Variants in DSCAML1 observed in about 807,000 individuals in gnomAD.
DSCAML1 encodes the protein DS cell adhesion molecule like 1.
A neutral mutation model predicts 200.5 loss-of-function variants in DSCAML1; 38 were observed. The ratio of observed to expected loss-of-function variants is 0.19; its 90% confidence interval spans 0.15 to 0.25. DSCAML1 has a LOEUF of 0.25. Among genes scored for constraint, DSCAML1 ranks in the 10% least tolerant of loss-of-function variants. DSCAML1 has a pLI of 1.00. For synonymous variants in DSCAML1, 1,215 were observed against 1,165.0 expected (o/e 1.04, Z -0.87); for missense variants, 2,223 against 2,858.8 (o/e 0.78, Z 5.07).
At chr11:117,641,204 G>A (rs2137594588) in intron 3 of DSCAML1, among the ~76,000 whole-genome samples, 1 of 152,302 alleles carries the variant, frequency 6.6e-6, no homozygotes, top group East Asian at 1.9e-4. Flanking sequence ...TTGACCCCAG[G>A]GTCCTGGAGA....
chr11:117,519,169 A>G (rs572051791), intron 6 of DSCAML1, among the ~76,000 whole-genome samples: 1 of 152,328 alleles, frequency 6.6e-6, no homozygotes, highest in South Asian at 2.1e-4. Flanking sequence ...GCTTCCTCTC[A>G]ACTCTTCCTC....
At chr11:117,783,219 G>A (rs1190573639) in intron 1 of DSCAML1, among the ~76,000 whole-genome samples, 1 of 152,136 alleles carries the variant, frequency 6.6e-6, no homozygotes, top group African/African-American at 2.4e-5. Context: ...CGGGGTCCTG[G>A]GTGCCTCCTG....
intron 11 of DSCAML1, among the ~76,000 whole-genome samples, chr11:117,488,534 G>GACACAC (rs575410556): frequency 6.9e-6 from 1 of 145,640 alleles, no homozygotes; most frequent in Non-Finnish European, 1.5e-5. Flanking sequence ...GACATGCACA[G>GACACAC]ACACAGACAC....
intron 3 of DSCAML1, among the ~76,000 whole-genome samples, chr11:117,646,650 A>G (rs1328383329): frequency 6.6e-6 from 1 of 152,076 alleles, no homozygotes; most frequent in Non-Finnish European, 1.5e-5. Context: ...TCCCAATCCC[A>G]TGGTTAGTGA....
chr11:117,532,455 G>A lies in DSCAML1; in HGVS notation c.579C>T (p.Leu193=), dbSNP rs754030088. The A allele has an allele frequency of 6.2e-7, 1 of 1,614,094 alleles. No homozygotes were observed. Among genetic ancestry groups the A allele is most frequent in the East Asian group, 2.2e-5 (1 of 44,884 alleles). Residue 193 remains leucine, a synonymous_variant, in exon 4 of 33, where the codon CTC becomes CTT. Transcript: ENST00000651296. ...GCTTGGTGATGCAGCGATAGGTGGA[G>A]AGGGCGTCCTCCTTCTGTACGTCAG... The part of the protein sequence containing the change: ...YISDVQKEDA[L]STYRCITKHK...
At position 117,662,472 on chromosome 11, in the gene DSCAML1, A is replaced by G. The variant is rs553544153; in HGVS notation, c.511+114319T>C. On this transcript the variant is annotated intron_variant, in intron 3 of 32. Transcript: ENST00000651296. The stretch of plus-strand genomic sequence containing the variant: ...CCAACTGCAGACTTGGCTGTCTCAC[A>G]GAGTCGTGAGTTCACGGATGACCAC... Among the ~76,000 whole-genome samples the G allele has an allele frequency of 3.1e-4, 48 of 152,388 alleles. 1 individual carries two copies. Among genetic ancestry groups the G allele is most frequent in the African/African-American group, 1.1e-3 (47 of 41,596 alleles).
intron 3 of DSCAML1, among the ~76,000 whole-genome samples, chr11:117,681,090 T>G (rs923062451): frequency 3.9e-5 from 6 of 152,218 alleles, no homozygotes; most frequent in Non-Finnish European, 7.3e-5. Context: ...ATCCGCCAGC[T>G]GTCTGGGTCC....
chr11:117,471,241 GGCTCACAGCAA>G (rs765542436), intron 15 of DSCAML1, among the ~76,000 whole-genome samples: 47 of 151,136 alleles, frequency 3.1e-4, no homozygotes, highest in Non-Finnish European at 6.0e-4. Flanking sequence ...GTGCGATCTT[GGCTCACAGCAA>G]GCTCTGCCTC....
chr11:117,780,215 G>GAA lies in DSCAML1; in HGVS notation c.364+277_364+278insTT, dbSNP rs1565280519. 3.6e-4 allele frequency among the ~76,000 whole-genome samples: 19 copies of GAA among 52,446 alleles called. No individual in the cohort carries two copies. Among genetic ancestry groups the GAA allele is most frequent in the Non-Finnish European group, 6.8e-4 (16 of 23,552 alleles). The allele number at this position is 52,446 out of a possible 152,430, so 34.4% of individuals were successfully genotyped here. ...AGAAAGAAAGAGAAAGAAAGAGAGA[G>GAA]AGAGAAAGAAAGAAAGGAAAGAAAG... On this transcript the variant is annotated intron_variant, in intron 2 of 32. Coordinates refer to ENST00000651296, the MANE Select transcript of DSCAML1 (RefSeq NM_020693.4). This position sits in a 1 kb window ranked among gnomAD's most constrained non-coding sequence, Gnocchi z 4.8.
At chr11:117,539,362 C>T (rs2050223210) in intron 3 of DSCAML1, among the ~76,000 whole-genome samples, 1 of 152,038 alleles carries the variant, frequency 6.6e-6, no homozygotes, top group Admixed American at 6.5e-5. Flanking sequence ...AATCCCAGTA[C>T]TTTGGGAGGC....
At chr11:117,607,323 G>A (rs2137522289) in intron 3 of DSCAML1, among the ~76,000 whole-genome samples, 1 of 152,342 alleles carries the variant, frequency 6.6e-6, no homozygotes, top group South Asian at 2.1e-4. Context: ...CCGACCTAGA[G>A]TGGGAGGTCA....
Position 117,481,287 on chromosome 11 carries a change from A to AG in DSCAML1, c.2560-18dup. On this transcript the variant is annotated splice_polypyrimidine_tract_variant and intron_variant, in intron 12 of 32. Coordinates refer to ENST00000651296, the MANE Select transcript of DSCAML1 (RefSeq NM_020693.4). ...GGGCTTGAGCTGGGAGACCACCAGC[A>AG]GGGGCAGGAGAGGGAGTAAACAGGG... 1 of 1,612,422 alleles carries AG rather than the reference A, an allele frequency of 6.2e-7. No homozygotes were observed.
Position 117,780,766 on chromosome 11 carries a change from A to G in DSCAML1, c.91T>C (p.Ser31Pro), listed in dbSNP as rs1435416651. ...VGTSLYFVNDSLQQVTFSSSV... is the reference protein window; with the variant it reads ...VGTSLYFVNDPLQQVTFSSSV... The stretch of plus-strand genomic sequence containing the variant: ...CTGGAAAAGGTCACCTGCTGCAAGG[A>G]GTCATTTACAAAGTAGAGGCTGGTG... The change falls in exon 2 of 33, where the codon TCC becomes CCC. Residue 31 changes from serine (S) to proline (P), a missense_variant. Ser to Pro is a moderately conservative substitution (Grantham distance 74). Coordinates refer to ENST00000651296, the MANE Select transcript of DSCAML1 (RefSeq NM_020693.4). The surrounding 1 kb of genome is among the most constrained non-coding windows in gnomAD (Gnocchi z 4.8). 1 of 1,515,314 alleles carries G rather than the reference A, an allele frequency of 6.6e-7. No individual in the cohort carries two copies. The highest frequency in any genetic ancestry group is 8.8e-7 in the Non-Finnish European group (1 of 1,133,704). The allele number at this position is 1,515,314 out of a possible 1,614,324, so 93.9% of individuals were successfully genotyped here.
chr11:117,637,538 G>A (rs183041956), intron 3 of DSCAML1, among the ~76,000 whole-genome samples: 2 of 151,976 alleles, frequency 1.3e-5, no homozygotes, highest in East Asian at 1.9e-4. Flanking sequence ...GTAGAGACGG[G>A]GTTTCACCAT....
chr11:117,707,847 C>T (rs1218092368), intron 3 of DSCAML1, among the ~76,000 whole-genome samples: 1 of 152,152 alleles, frequency 6.6e-6, no homozygotes, highest in Non-Finnish European at 1.5e-5. Flanking sequence ...GGAAGCTTTT[C>T]AACAGTCCAG....
chr11:117,810,012 C>G (rs1383697207), intron 1 of DSCAML1, among the ~76,000 whole-genome samples: 1 of 151,898 alleles, frequency 6.6e-6, no homozygotes, highest in Non-Finnish European at 1.5e-5. Context: ...CATTCCCACA[C>G]TCACACATAT....
chr11:117,685,081 G>A (rs867800458), intron 3 of DSCAML1, among the ~76,000 whole-genome samples: 3 of 152,360 alleles, frequency 2.0e-5, no homozygotes, highest in Middle Eastern at 3.4e-3. Flanking sequence ...AAGGCCTTCC[G>A]TGACATCGAG....
At chr11:117,699,224 A>G (rs796127099) in intron 3 of DSCAML1, among the ~76,000 whole-genome samples, 5 of 152,204 alleles carry the variant, frequency 3.3e-5, no homozygotes, top group Non-Finnish European at 5.9e-5. Flanking sequence ...AGACAAAGGC[A>G]GGAGCTACCC....
Position 117,780,199 on chromosome 11 carries a change from GA to G in DSCAML1, c.364+293del, listed in dbSNP as rs1425064586. On this transcript the variant is annotated intron_variant, in intron 2 of 32. Transcript: ENST00000651296. This position sits in a 1 kb window ranked among gnomAD's most constrained non-coding sequence, Gnocchi z 4.8. ...AAAAAGAAAAAAAGAAAGAAAGAAAGAGAAAGAAAGAGAGAGAGAGAAAGAA... is the reference window on the plus strand; with the variant it reads ...AAAAAGAAAAAAAGAAAGAAAGAAAGGAAAGAAAGAGAGAGAGAGAAAGAA... Among the ~76,000 whole-genome samples the G allele has an allele frequency of 1.9e-5, 1 of 51,688 alleles. No individual in the cohort carries two copies. The highest frequency in any genetic ancestry group is 4.7e-4 in the East Asian group (1 of 2,138). 33.9% of individuals were successfully genotyped at this position (51,688 alleles called of 152,430 possible).
Sources: gnomAD v4.1 joint callset for allele counts (sites outside exome capture counted in the v4.1 genomes callset) on GRCh38, gnomAD v4.1.1 for gene constraint, Gnocchi (gnomAD v3.1) non-coding constraint, MANE v1.5 for transcripts, NCBI Gene and HGNC (gene_info 2026-07-23, HGNC 2026-07-21) for gene names.